SLC8A1: variants seen among roughly 807,000 people sequenced by gnomAD.
The protein encoded by SLC8A1 is sodium/calcium exchanger 1.
A neutral mutation model predicts 68.3 loss-of-function variants in SLC8A1; 18 were observed. The observed-to-expected ratio is 0.26, with a 90% CI of 0.18 to 0.39. SLC8A1 has a LOEUF of 0.39. SLC8A1 is among the 10% of genes least tolerant of loss of function. The pLI is 1.00. For synonymous variants in SLC8A1, 475 were observed against 415.5 expected (o/e 1.14, Z -1.74); for missense variants, 985 against 1,156.7 (o/e 0.85, Z 2.15).
chr2:40,141,702 A>G (rs2041599756), intron 6 of SLC8A1, among the ~76,000 whole-genome samples: 1 of 152,220 alleles, frequency 6.6e-6, no homozygotes, highest in Non-Finnish European at 1.5e-5. Flanking sequence ...TCTCCCCAAA[A>G]TTCATATGAT....
At chr2:40,359,371 C>T (rs1673816120) in intron 2 of SLC8A1, among the ~76,000 whole-genome samples, 1 of 152,024 alleles carries the variant, frequency 6.6e-6, no homozygotes, top group East Asian at 1.9e-4. Flanking sequence ...ACATACATGA[C>T]TCATATTTTT....
chr2:40,322,586 G>A (rs1199614027), intron 2 of SLC8A1, among the ~76,000 whole-genome samples: 8 of 151,844 alleles, frequency 5.3e-5, no homozygotes, highest in Non-Finnish European at 8.8e-5. Context: ...CGAGGCAGGA[G>A]GGTCACTTGA....
intron 2 of SLC8A1, among the ~76,000 whole-genome samples, chr2:40,235,284 G>A (rs946668877): frequency 3.9e-5 from 6 of 152,052 alleles, no homozygotes; most frequent in African/African-American, 1.2e-4. Context: ...AGATCCTGTT[G>A]TTGGTCTATT....
At chr2:40,320,591 T>G (rs1159518797) in intron 2 of SLC8A1, among the ~76,000 whole-genome samples, 1 of 152,202 alleles carries the variant, frequency 6.6e-6, no homozygotes, top group African/African-American at 2.4e-5. Flanking sequence ...CTATATTAGG[T>G]ATCTTAAAAC....
At chr2:40,376,268 G>A (rs1025882300) in intron 2 of SLC8A1, among the ~76,000 whole-genome samples, 17 of 152,070 alleles carry the variant, frequency 1.1e-4, no homozygotes, top group Admixed American at 2.0e-4. Context: ...AACGGTTTCT[G>A]TCTCAGATAA....
At chr2:40,309,065 G>C (rs1220378356) in intron 2 of SLC8A1, among the ~76,000 whole-genome samples, 1 of 151,694 alleles carries the variant, frequency 6.6e-6, no homozygotes, top group Non-Finnish European at 1.5e-5. Flanking sequence ...TTATTTTGCA[G>C]TGAAAAAAAA....
At chr2:40,315,650 C>T (rs373428138) in intron 2 of SLC8A1, among the ~76,000 whole-genome samples, 53 of 152,046 alleles carry the variant, frequency 3.5e-4, no homozygotes, top group Middle Eastern at 6.8e-3. Flanking sequence ...AAATGGATCA[C>T]ATGCTCTTTA....
intron 2 of SLC8A1, among the ~76,000 whole-genome samples, chr2:40,233,563 G>A (rs1253866412): frequency 7.3e-6 from 1 of 136,652 alleles, no homozygotes; most frequent in Non-Finnish European, 1.6e-5. Context: ...TCTCTCTGAC[G>A]GTAGTTTCTT....
intron 3 of SLC8A1, among the ~76,000 whole-genome samples, chr2:40,177,013 A>G (rs2048589624): frequency 6.6e-6 from 1 of 151,054 alleles, no homozygotes; most frequent in Admixed American, 6.7e-5. Flanking sequence ...CAAAATCGGC[A>G]TAATCTAGTT....
intron 2 of SLC8A1, among the ~76,000 whole-genome samples, chr2:40,399,463 C>CA (rs1344330041): frequency 6.6e-6 from 1 of 152,128 alleles, no homozygotes; most frequent in East Asian, 1.9e-4. Flanking sequence ...ATGACCTTCT[C>CA]AAAATCCTTG....
intron 1 of SLC8A1, among the ~76,000 whole-genome samples, chr2:40,475,657 T>C (rs1704254434): frequency 1.3e-5 from 2 of 152,112 alleles, no homozygotes; most frequent in South Asian, 2.1e-4. Context: ...TGCATACATG[T>C]ACATGTTTAT....
chr2:40,361,436 T>C (rs528032274), intron 2 of SLC8A1, among the ~76,000 whole-genome samples: 1 of 112,420 alleles, frequency 8.9e-6, no homozygotes, highest in African/African-American at 5.8e-5. Flanking sequence ...AAAATTGTTA[T>C]GCACATTAGT....
At chr2:40,306,036 G>C (rs1010581074) in intron 2 of SLC8A1, among the ~76,000 whole-genome samples, 4 of 152,186 alleles carry the variant, frequency 2.6e-5, no homozygotes, top group Non-Finnish European at 4.4e-5. Context: ...CAGGTTTTGG[G>C]AGGATGAATG....
intron 2 of SLC8A1, among the ~76,000 whole-genome samples, chr2:40,253,453 G>GACAAGTATT (rs1340138421): frequency 6.6e-6 from 1 of 151,990 alleles, no homozygotes; most frequent in Non-Finnish European, 1.5e-5. Flanking sequence ...GGCACAGAAA[G>GACAAGTATT]ACAAGTATTA....
chr2:40,300,652 T>C (rs1404092419), intron 2 of SLC8A1, among the ~76,000 whole-genome samples: 1 of 152,102 alleles, frequency 6.6e-6, no homozygotes, highest in Non-Finnish European at 1.5e-5. Flanking sequence ...CACCACAGAC[T>C]AGAACTTGAG....
chr2:40,448,717 G>C (rs115058852), intron 1 of SLC8A1, among the ~76,000 whole-genome samples: 2 of 152,180 alleles, frequency 1.3e-5, no homozygotes, highest in Non-Finnish European at 2.9e-5. Flanking sequence ...AGACCATTTG[G>C]TAGGGGTTAT....
intron 2 of SLC8A1, among the ~76,000 whole-genome samples, chr2:40,259,134 C>T (rs1470156984): frequency 6.6e-6 from 1 of 152,116 alleles, no homozygotes; most frequent in African/African-American, 2.4e-5. Context: ...CTGGATGGCT[C>T]AGAGTTGAAA....
intron 2 of SLC8A1, among the ~76,000 whole-genome samples, chr2:40,209,495 G>C (rs560363458): frequency 1.3e-5 from 2 of 152,132 alleles, no homozygotes; most frequent in Non-Finnish European, 2.9e-5. Context: ...AAGGACTTCT[G>C]AGGGAAATAG....
At chr2:40,206,046 A>G (rs538516369) in intron 2 of SLC8A1, among the ~76,000 whole-genome samples, 69 of 152,064 alleles carry the variant, frequency 4.5e-4, no homozygotes, top group Middle Eastern at 3.4e-3. Flanking sequence ...TGGAAAAAGT[A>G]AAGTTACAGA....
Sources: gnomAD v4.1 joint callset for allele counts (sites outside exome capture counted in the v4.1 genomes callset) on GRCh38, gnomAD v4.1.1 for gene constraint, MANE v1.5 for transcripts, NCBI Gene and HGNC (gene_info 2026-07-23, HGNC 2026-07-21) for gene names.